The following RBFOX1 variants were observed in gnomAD, a reference collection of about 807,000 sequenced individuals.
RBFOX1 encodes RNA binding fox-1 homolog 1.
A neutral mutation model predicts 57.7 loss-of-function variants in RBFOX1; 8 were observed. The observed-to-expected ratio is 0.14, with a 90% CI of 0.08 to 0.25. RBFOX1 has a LOEUF of 0.25. Among genes scored for constraint, RBFOX1 ranks in the 10% least tolerant of loss-of-function variants. The pLI is 1.00. For missense variants in RBFOX1, 611 were observed against 548.5 expected (o/e 1.11, Z -1.14); for synonymous variants, 326 against 222.4 (o/e 1.47, Z -4.15).
intron 3 of RBFOX1, among the ~76,000 whole-genome samples, chr16:6,949,679 C>A (rs542308317): frequency 2.0e-4 from 31 of 152,230 alleles, no homozygotes; most frequent in South Asian, 6.2e-4. Flanking sequence ...CCTCCTTTGA[C>A]CTTAATTACC....
chr16:7,177,506 C>G (rs2081922306), intron 4 of RBFOX1, among the ~76,000 whole-genome samples: 1 of 150,872 alleles, frequency 6.6e-6, no homozygotes. Context: ...AAAAAGAATA[C>G]AAAAAGAAGT....
At chr16:5,449,690 C>T (rs781292478) in intron 1 of RBFOX1, among the ~76,000 whole-genome samples, 1 of 152,188 alleles carries the variant, frequency 6.6e-6, no homozygotes, top group African/African-American at 2.4e-5. Flanking sequence ...CTCACTGCAA[C>T]CGCAAACTCC....
At chr16:7,610,112 G>A (rs1022954050) in intron 10 of RBFOX1, among the ~76,000 whole-genome samples, 5 of 78,046 alleles carry the variant, frequency 6.4e-5, no homozygotes, top group Admixed American at 4.2e-4. Flanking sequence ...CACTGCGCCC[G>A]GCCCCCTTTT....
intron 1 of RBFOX1, among the ~76,000 whole-genome samples, chr16:6,273,340 G>GTTTTTTTTTTTTTTT (rs544640090): frequency 1.1e-5 from 1 of 89,882 alleles, no homozygotes; most frequent in Non-Finnish European, 2.0e-5. Context: ...GTTGTTGTTG[G>GTTTTTTTTTTTTTTT]TTTTTTTTTT....
At chr16:5,922,015 G>A (rs1320542216) in intron 4 of RBFOX1, among the ~76,000 whole-genome samples, 3 of 151,894 alleles carry the variant, frequency 2.0e-5, no homozygotes, top group African/African-American at 2.4e-5. Flanking sequence ...AGAAAAATTC[G>A]CCGGGCATGG....
rs541954603 is a variant in RBFOX1 at position 6,765,782 on chromosome 16, C to T, written c.-16+111132C>T. On this transcript the variant is annotated intron_variant, in intron 3 of 15. Transcript: ENST00000550418. Reference sequence around the variant, plus strand: ...AGATAAGGAAAATATGGTATATTCACCTTGAAATACTACTCAGCCATAAAA... The same window carrying T: ...AGATAAGGAAAATATGGTATATTCATCTTGAAATACTACTCAGCCATAAAA... Among the ~76,000 whole-genome samples the T allele has an allele frequency of 2.0e-5, 3 of 152,254 alleles. No individual in the cohort carries two copies. The South Asian group carries it at 6.2e-4, about 32-fold the overall frequency.
intron 3 of RBFOX1, among the ~76,000 whole-genome samples, chr16:6,762,494 T>G (rs1244567266): frequency 5.3e-5 from 8 of 152,184 alleles, no homozygotes; most frequent in Non-Finnish European, 1.2e-4. Flanking sequence ...TGGATTAGTT[T>G]ATGGCTCACC....
intron 3 of RBFOX1, among the ~76,000 whole-genome samples, chr16:6,807,168 T>C (rs894995449): frequency 1.6e-4 from 24 of 151,814 alleles, no homozygotes; most frequent in African/African-American, 5.6e-4. Context: ...CTGGTTACAA[T>C]GTGAGAAACA....
chr16:7,182,546 G>A (rs933337022), intron 4 of RBFOX1, among the ~76,000 whole-genome samples: 1 of 152,266 alleles, frequency 6.6e-6, no homozygotes, highest in Middle Eastern at 3.4e-3. Context: ...GGAAACAAGG[G>A]ATAGTCCTAA....
At position 7,526,473 on chromosome 16, in the gene RBFOX1, C is replaced by T. The variant is rs1367960967; in HGVS notation, c.270+8084C>T. Among the ~76,000 whole-genome samples, 4 of 152,294 alleles carry T rather than the reference C, an allele frequency of 2.6e-5. No individual in the cohort carries two copies. The East Asian group carries it at 5.8e-4, about 22-fold the overall frequency. ...CTCTCTGCTCTTATTTTTTCTATAACTCCCTTCCTCAGCTGTGACCCTTCT... is the reference window on the plus strand; with the variant it reads ...CTCTCTGCTCTTATTTTTTCTATAATTCCCTTCCTCAGCTGTGACCCTTCT... On this transcript the variant is annotated intron_variant, in intron 5 of 15. Transcript: ENST00000550418.
rs34625153 is a variant in RBFOX1, at chr16:7,315,456, A to ACCCCC, written c.28-202684_28-202680dup. 2.7e-3 allele frequency among the ~76,000 whole-genome samples: 338 copies of ACCCCC among 123,578 alleles called. 6 individuals are homozygous for ACCCCC. Among genetic ancestry groups the ACCCCC allele is most frequent in the South Asian group, 6.8e-3 (25 of 3,702 alleles). 81.1% of individuals were successfully genotyped at this position (123,578 alleles called of 152,430 possible). ...AATGATTAAAGCCCTACTCTACCCTACCCCCCCCCCCATACTGGGGGCTTG... is the reference window on the plus strand; with the variant it reads ...AATGATTAAAGCCCTACTCTACCCTACCCCCCCCCCCCCCCCATACTGGGGGCTTG... On this transcript the variant is annotated intron_variant, in intron 4 of 15. Coordinates refer to ENST00000550418, the MANE Select transcript of RBFOX1 (RefSeq NM_018723.4).
chr16:6,452,445 T>A (rs141774316), intron 2 of RBFOX1, among the ~76,000 whole-genome samples: 26 of 152,244 alleles, frequency 1.7e-4, no homozygotes, highest in African/African-American at 4.8e-4. Flanking sequence ...ACTCCATCCA[T>A]GGCCCCTTCC....
Position 7,120,532 on chromosome 16 carries a change from A to G in RBFOX1, c.27+68434A>G, listed in dbSNP as rs367954380. ...TCTATGCACATGTAGTCAACAACTT[A>G]CATGAAATAGACTAATTCCTTGACA... On this transcript the variant is annotated intron_variant, in intron 4 of 15. Transcript: ENST00000550418. Among the ~76,000 whole-genome samples, 20 of 152,082 alleles carry G rather than the reference A, an allele frequency of 1.3e-4. No individual in the cohort carries two copies. In the East Asian group the frequency reaches 2.7e-3, roughly 21 times the overall value.
At chr16:6,063,569 C>G (rs1245409807) in intron 1 of RBFOX1, among the ~76,000 whole-genome samples, 1 of 151,986 alleles carries the variant, frequency 6.6e-6, no homozygotes, top group Non-Finnish European at 1.5e-5. Flanking sequence ...ACACCCACCA[C>G]CAAAACTACA....
At chr16:5,611,607 T>G (rs2151247520) in intron 3 of RBFOX1, among the ~76,000 whole-genome samples, 1 of 152,220 alleles carries the variant, frequency 6.6e-6, no homozygotes, top group South Asian at 2.1e-4. Flanking sequence ...CAACAAAAAC[T>G]AGTGATTCAC....
chr16:6,609,432 C>A (rs959809793), intron 2 of RBFOX1, among the ~76,000 whole-genome samples: 1 of 152,164 alleles, frequency 6.6e-6, no homozygotes, highest in Non-Finnish European at 1.5e-5. Flanking sequence ...GCAATCTCCT[C>A]TGCCTCCCAG....
chr16:6,722,566 A>AT (rs1469029168), intron 3 of RBFOX1, among the ~76,000 whole-genome samples: 1 of 152,192 alleles, frequency 6.6e-6, no homozygotes, highest in African/African-American at 2.4e-5. Flanking sequence ...TTTGTGTGAT[A>AT]TTAATGAGAA....
At chr16:7,684,401 A>G (rs1321138832) in intron 14 of RBFOX1, among the ~76,000 whole-genome samples, 5 of 152,102 alleles carry the variant, frequency 3.3e-5, no homozygotes, top group Admixed American at 1.3e-4. Flanking sequence ...GTAACTAGTC[A>G]CTTTTCTTTT....
chr16:6,542,288 T>C (rs2096831540), intron 2 of RBFOX1, among the ~76,000 whole-genome samples: 1 of 151,756 alleles, frequency 6.6e-6, no homozygotes, highest in Admixed American at 6.6e-5. Context: ...GTCAGATACT[T>C]ATCTGTTTCT....
Sources: allele counts gnomAD v4.1 joint callset (sites outside exome capture counted in the v4.1 genomes callset), GRCh38; gene constraint gnomAD v4.1.1; transcripts MANE v1.5; gene names NCBI Gene and HGNC (gene_info 2026-07-23, HGNC 2026-07-21).